The following DUX4 variants were observed in gnomAD, a reference collection of about 807,000 sequenced individuals.
DUX4 encodes the protein double homeobox protein 4.
chr4:190,176,795 C>A (rs1742322164), downstream of DUX4, among the ~76,000 whole-genome samples: 1 of 135,474 alleles, frequency 7.4e-6, no homozygotes, highest in Non-Finnish European at 1.7e-5. Flanking sequence ...TAGGCAGTGC[C>A]TAGACAAGAG....
Position 190,183,262 on chromosome 4 carries a change from G to C in DUX4, n.93-2079G>C, listed in dbSNP as rs1313409728. Reference sequence around the variant, plus strand: ...CTATTAAGACATGTTTGTCTTCAAAGAATGGCCTTGGTTTCTGTGGACAGT... The same window carrying C: ...CTATTAAGACATGTTTGTCTTCAAACAATGGCCTTGGTTTCTGTGGACAGT... On this transcript the variant is annotated intron_variant and non_coding_transcript_variant, in intron 1 of 2. Transcript: ENST00000563716. 2.8e-5 allele frequency: 3 copies of C among 107,934 alleles called. 1 individual carries two copies. The highest frequency in any genetic ancestry group is 6.5e-5 in the Non-Finnish European group (3 of 46,292). 6.7% of individuals were successfully genotyped at this position (107,934 alleles called of 1,614,324 possible). A position where few individuals can be genotyped will look rare whatever the true frequency, so the allele number is the denominator to read the frequency against.
downstream of DUX4, among the ~76,000 whole-genome samples, chr4:190,177,899 G>C (rs1742394334): frequency 3.2e-4 from 12 of 37,184 alleles, no homozygotes; most frequent in African/African-American, 1.0e-3. Context: ...CTTGACAAAA[G>C]TGACATCACC....
downstream of DUX4, among the ~76,000 whole-genome samples, chr4:190,177,825 A>G (rs1742388314): frequency 1.3e-5 from 2 of 151,728 alleles, no homozygotes; most frequent in Admixed American, 6.6e-5. Context: ...CAGAGCCTAG[A>G]CAAGGGTTAC....
downstream of DUX4, among the ~76,000 whole-genome samples, chr4:190,176,891 A>C (rs1216986369): frequency 6.6e-5 from 6 of 91,222 alleles, no homozygotes; most frequent in African/African-American, 2.0e-4. Flanking sequence ...CACCTAGGTG[A>C]TCAGTGCAGT....
At chr4:190,180,110 A>T (rs1742531675), downstream of DUX4, among the ~76,000 whole-genome samples, 19 of 53,430 alleles carry the variant, frequency 3.6e-4, no homozygotes, top group South Asian at 1.4e-3. Context: ...CAGTGCAGAA[A>T]TATGTGACAA....
downstream of DUX4, among the ~76,000 whole-genome samples, chr4:190,176,397 T>G (rs1300461294): frequency 1.9e-5 from 2 of 105,632 alleles, 1 homozygote; most frequent in Non-Finnish European, 4.4e-5. Flanking sequence ...TAGACAGGAG[T>G]TACATCACCT....
At chr4:190,179,432 T>C (rs1579835506), downstream of DUX4, among the ~76,000 whole-genome samples, 66 of 1,186 alleles carry the variant, frequency 0.056, no homozygotes, top group Admixed American at 0.11. Context: ...ATTGCAGGGA[T>C]ATGTCACAAA....
chr4:190,176,837 T>C (rs1310244664), downstream of DUX4, among the ~76,000 whole-genome samples: 1 of 95,254 alleles, frequency 1.0e-5, no homozygotes, highest in Non-Finnish European at 2.4e-5. Flanking sequence ...TGCATAGATA[T>C]GTCACAAAGC....
intron 1 of DUX4, among the ~76,000 whole-genome samples, chr4:190,184,161 G>A (rs1209488320): frequency 3.3e-5 from 4 of 122,546 alleles, no homozygotes; most frequent in Admixed American, 1.7e-4. Context: ...AGGAAGGCAG[G>A]AGAGACTCTC....
chr4:190,178,840 G>GGCA (rs1742456092), downstream of DUX4, among the ~76,000 whole-genome samples: 1 of 113,610 alleles, frequency 8.8e-6, no homozygotes, highest in African/African-American at 3.0e-5. Flanking sequence ...TTCCCCTGTA[G>GGCA]GCAGAGCTTA....
At chr4:190,176,343 T>C (rs1335461740), downstream of DUX4, among the ~76,000 whole-genome samples, 4 of 115,422 alleles carry the variant, frequency 3.5e-5, 1 homozygote, top group Non-Finnish European at 8.2e-5. Context: ...ATCACCTGGG[T>C]GATCAGTGCA....
At chr4:190,177,686 A>G (rs1579833163), downstream of DUX4, among the ~76,000 whole-genome samples, 1 of 152,098 alleles carries the variant, frequency 6.6e-6, no homozygotes, top group Non-Finnish European at 1.5e-5. Flanking sequence ...AGGCAGATAT[A>G]GACAAGAGTT....
downstream of DUX4, among the ~76,000 whole-genome samples, chr4:190,177,163 A>ATACATGTTACATCACCTGGGTGG (rs1742346232): frequency 1.8e-5 from 2 of 113,640 alleles, no homozygotes. Context: ...CATCACCTAG[A>ATACATGTTACATCACCTGGGTGG]TGATCTGTGC....
chr4:190,178,033 A>AACAGCTGCATCACCTGGGTTATCAGTGC (rs1742400993), downstream of DUX4, among the ~76,000 whole-genome samples: 1 of 151,994 alleles, frequency 6.6e-6, no homozygotes, highest in Admixed American at 6.6e-5. Context: ...GATCCCAGAC[A>AACAGCTGCATCACCTGGGTTATCAGTGC]AGAGTTGCAT....
At chr4:190,177,186 A>AAACGCCCCTGTAGGGAG (rs1742348733), downstream of DUX4, among the ~76,000 whole-genome samples, 1 of 150,362 alleles carries the variant, frequency 6.7e-6, no homozygotes, top group Non-Finnish European at 1.5e-5. Context: ...AGCTATGTCA[A>AAACGCCCCTGTAGGGAG]AACGCCCCTG....
chr4:190,178,658 C>CCTCACCTAAGTG (rs1742439863), downstream of DUX4, among the ~76,000 whole-genome samples: 26 of 140,526 alleles, frequency 1.9e-4, no homozygotes, highest in African/African-American at 2.4e-4. Flanking sequence ...AAAAGTGTTA[C>CCTCACCTAAGTG]ATCACCTAAG....
At chr4:190,176,739 C>A (rs1742319289), downstream of DUX4, among the ~76,000 whole-genome samples, 1 of 100,542 alleles carries the variant, frequency 9.9e-6, no homozygotes, top group Admixed American at 1.2e-4. Flanking sequence ...AGACAAGCGT[C>A]CATCACCTGG....
At chr4:190,179,084 G>C, downstream of DUX4, among the ~76,000 whole-genome samples, 1 of 1,892 alleles carries the variant, frequency 5.3e-4, no homozygotes, top group African/African-American at 2.7e-3. Flanking sequence ...GGTGATCAGT[G>C]CAGAGATATG....
At chr4:190,176,042 A>T (rs1479512056), downstream of DUX4, among the ~76,000 whole-genome samples, 2 of 111,716 alleles carry the variant, frequency 1.8e-5, 1 homozygote, top group Non-Finnish European at 4.2e-5. Context: ...GTGTAGACAG[A>T]GCCTAGACAA....
Sources: gnomAD v4.1 joint callset for allele counts (sites outside exome capture counted in the v4.1 genomes callset) on GRCh38, gnomAD v4.1.1 for gene constraint, MANE v1.5 for transcripts, NCBI Gene and HGNC (gene_info 2026-07-23, HGNC 2026-07-21) for gene names.